Variants in PXDNL observed in about 807,000 individuals in gnomAD.
PXDNL encodes probable oxidoreductase PXDNL.
In PXDNL, 145 loss-of-function variants were observed where a neutral mutation model predicts 150.8. The observed-to-expected ratio is 0.96, with a 90% confidence interval of 0.84 to 1.10. PXDNL has a LOEUF of 1.10. Ranked by LOEUF, PXDNL falls within the 50% of genes least tolerant of loss-of-function variation. The pLI, the probability that PXDNL is intolerant of heterozygous loss-of-function variation, is 0.00. For synonymous variants in PXDNL, 757 were observed against 725.7 expected, an observed-to-expected ratio of 1.04 and a Z score of -0.69; for missense variants, 2,087 against 1,873.9, an observed-to-expected ratio of 1.11 and a Z score of -2.10.
At chr8:51,526,390 A>G (rs1811771710) in intron 4 of PXDNL, among the ~76,000 whole-genome samples, 1 of 151,918 alleles carries the variant, frequency 6.6e-6, no homozygotes, top group Non-Finnish European at 1.5e-5. Context: ...CTACGAGGTC[A>G]GTGCCAATGT....
At chr8:51,642,043 C>A (rs1193047228) in intron 2 of PXDNL, among the ~76,000 whole-genome samples, 7 of 152,104 alleles carry the variant, frequency 4.6e-5, no homozygotes, top group African/African-American at 1.7e-4. Context: ...AGGATGAGTT[C>A]ATGTCCTTTG....
chr8:51,807,177 C>A (rs1401058310), intron 1 of PXDNL, among the ~76,000 whole-genome samples: 1 of 152,146 alleles, frequency 6.6e-6, no homozygotes. Flanking sequence ...TTAATTGGTT[C>A]ATGGTTCTGC....
chr8:51,463,693 A>G (rs1810132954), intron 8 of PXDNL, among the ~76,000 whole-genome samples: 1 of 152,228 alleles, frequency 6.6e-6, no homozygotes, highest in Non-Finnish European at 1.5e-5. Context: ...GAAGATGACC[A>G]TGTACTTAGC....
intron 16 of PXDNL, among the ~76,000 whole-genome samples, chr8:51,410,060 A>T (rs1016105850): frequency 2.6e-5 from 4 of 152,242 alleles, no homozygotes; most frequent in African/African-American, 9.6e-5. Flanking sequence ...GTTTCATTTC[A>T]GAATTTTTTC....
chr8:51,657,786 A>G (rs1318861626), intron 1 of PXDNL, among the ~76,000 whole-genome samples: 1 of 152,220 alleles, frequency 6.6e-6, no homozygotes, highest in Non-Finnish European at 1.5e-5. Flanking sequence ...ACCAAATTAT[A>G]GATTTAAACT....
intron 1 of PXDNL, among the ~76,000 whole-genome samples, chr8:51,682,875 T>A (rs1274442311): frequency 1.1e-4 from 17 of 151,912 alleles, no homozygotes; most frequent in Admixed American, 1.1e-3. Flanking sequence ...GAAGAAGTAG[T>A]AGTGCTGGAG....
chr8:51,327,872 C>A (rs1011201751), intron 21 of PXDNL, among the ~76,000 whole-genome samples: 1 of 152,080 alleles, frequency 6.6e-6, no homozygotes, highest in African/African-American at 2.4e-5. Context: ...AAGGTGAAAT[C>A]TGAAGAGACA....
chr8:51,616,254 T>C (rs1035032790), intron 2 of PXDNL, among the ~76,000 whole-genome samples: 3 of 152,204 alleles, frequency 2.0e-5, no homozygotes, highest in African/African-American at 7.2e-5. Flanking sequence ...AGATGGTTTC[T>C]GGTACTTTTC....
chr8:51,553,387 A>G (rs543609693), intron 4 of PXDNL, among the ~76,000 whole-genome samples: 1 of 152,326 alleles, frequency 6.6e-6, no homozygotes, highest in Non-Finnish European at 1.5e-5. Context: ...CTGGGGCCTC[A>G]GGCTGTCCAA....
chr8:51,426,680 T>C lies in PXDNL; in HGVS notation c.1604A>G (p.Gln535Arg), dbSNP rs915663668. Residue 535 changes from glutamine (Q) to arginine (R), a missense_variant, in exon 13 of 23, where the codon CAA becomes CGA. Gln to Arg is a conservative substitution (Grantham distance 43). Coordinates refer to ENST00000356297, the MANE Select transcript of PXDNL (RefSeq NM_144651.5). ...GKNINISCHA[Q>R]GEPQPIITWN... ...AGTAATTATGGGCTGTGGTTCTCCTTGAGCATGACATGAAATGTTTATATT... is the reference window on the plus strand; with the variant it reads ...AGTAATTATGGGCTGTGGTTCTCCTCGAGCATGACATGAAATGTTTATATT... 2 of 1,607,458 alleles carry C rather than the reference T, an allele frequency of 1.2e-6. No individual in the cohort carries two copies. The highest frequency in any genetic ancestry group is 1.7e-6 in the Non-Finnish European group (2 of 1,175,756).
At chr8:51,344,943 A>C (rs547856928) in intron 20 of PXDNL, among the ~76,000 whole-genome samples, 1 of 152,170 alleles carries the variant, frequency 6.6e-6, no homozygotes, top group East Asian at 1.9e-4. Flanking sequence ...TTGTCCAACA[A>C]CACTATCTCC....
intron 2 of PXDNL, among the ~76,000 whole-genome samples, chr8:51,610,453 A>C (rs1195817139): frequency 1.3e-5 from 2 of 152,226 alleles, no homozygotes; most frequent in African/African-American, 2.4e-5. Context: ...CAGTATTAAT[A>C]GATAGACCTT....
At chr8:51,343,139 T>C (rs1177869011) in intron 20 of PXDNL, among the ~76,000 whole-genome samples, 1 of 152,142 alleles carries the variant, frequency 6.6e-6, no homozygotes, top group Non-Finnish European at 1.5e-5. Flanking sequence ...AAAAAAAGAC[T>C]CTTGGATACT....
chr8:51,670,841 T>A (rs1314818496), intron 1 of PXDNL, among the ~76,000 whole-genome samples: 1 of 152,188 alleles, frequency 6.6e-6, no homozygotes, highest in East Asian at 1.9e-4. Context: ...TAAGTGGCAC[T>A]CCTGGCAAAT....
At chr8:51,734,014 C>T (rs971197454) in intron 1 of PXDNL, among the ~76,000 whole-genome samples, 1 of 151,816 alleles carries the variant, frequency 6.6e-6, no homozygotes. Context: ...TAACTCTAGA[C>T]ATCATTGACT....
At chr8:51,478,838 C>T (rs1810538561) in intron 6 of PXDNL, among the ~76,000 whole-genome samples, 1 of 152,178 alleles carries the variant, frequency 6.6e-6, no homozygotes, top group Non-Finnish European at 1.5e-5. Context: ...TTGGAATAAA[C>T]AGGTGCCCAG....
intron 1 of PXDNL, among the ~76,000 whole-genome samples, chr8:51,787,948 A>C (rs2037475534): frequency 6.6e-6 from 1 of 152,244 alleles, no homozygotes; most frequent in African/African-American, 2.4e-5. Flanking sequence ...AGCAGCCATC[A>C]ACAGTGAGGG....
chr8:51,553,763 TATATATATAC>T lies in PXDNL; in HGVS notation c.380+3067_380+3076del, dbSNP rs1171274275. ...TTTTATATATATATATATATATATA[TATATATATAC>T]ACACACTGAAAATATAAATCTCGGC... On this transcript the variant is annotated intron_variant, in intron 4 of 22. Coordinates refer to ENST00000356297, the MANE Select transcript of PXDNL (RefSeq NM_144651.5). Among the ~76,000 whole-genome samples, 381 of 61,682 alleles carry T rather than the reference TATATATATAC, an allele frequency of 6.2e-3. 1 individual carries two copies. Among genetic ancestry groups the T allele is most frequent in the African/African-American group, 0.027 (224 of 8,298 alleles). The allele number at this position is 61,682 out of a possible 152,430, so 40.5% of individuals were successfully genotyped here. A position where few individuals can be genotyped will look rare whatever the true frequency, so the allele number is the denominator to read the frequency against.
intron 19 of PXDNL, among the ~76,000 whole-genome samples, chr8:51,362,701 A>T (rs1282070219): frequency 6.6e-6 from 1 of 152,178 alleles, no homozygotes; most frequent in Non-Finnish European, 1.5e-5. Flanking sequence ...CAGATTTGGA[A>T]TTGCCTGGCT....
Sources: gnomAD v4.1 joint callset for allele counts (sites outside exome capture counted in the v4.1 genomes callset) on GRCh38, gnomAD v4.1.1 for gene constraint, MANE v1.5 for transcripts, NCBI Gene and HGNC (gene_info 2026-07-23, HGNC 2026-07-21) for gene names.